The following LRFN5 variants were observed in gnomAD, a reference collection of about 807,000 sequenced individuals.
The protein encoded by LRFN5 is leucine rich repeat and fibronectin type III domain containing 5.
LRFN5 carries 24 observed loss-of-function variants against 45.6 expected under a neutral mutation model. The ratio of observed to expected loss-of-function variants is 0.53; its 90% CI spans 0.38 to 0.74. The LOEUF is 0.74. Ranked by LOEUF, LRFN5 falls within the 30% of genes least tolerant of loss-of-function variation. The pLI, the probability that LRFN5 is intolerant of heterozygous loss-of-function variation, is 0.00. For missense variants in LRFN5, 776 were observed against 861.5 expected, an observed-to-expected ratio of 0.90 and a Z score of 1.24; for synonymous variants, 340 against 313.8, an observed-to-expected ratio of 1.08 and a Z score of -0.88.
chr14:41,771,666 C>T (rs531850167), intron 2 of LRFN5, among the ~76,000 whole-genome samples: 55 of 152,216 alleles, frequency 3.6e-4, no homozygotes, highest in African/African-American at 1.2e-3. Context: ...ACTCCATTTC[C>T]CAGTAACTTC....
chr14:41,609,806 G>T (rs1196278380), intron 1 of LRFN5, among the ~76,000 whole-genome samples: 3 of 152,198 alleles, frequency 2.0e-5, no homozygotes, highest in Non-Finnish European at 4.4e-5. Flanking sequence ...GGGGCTGCTG[G>T]GGGGCGGGGG....
chr14:41,790,824 A>G (rs1886893644), intron 2 of LRFN5, among the ~76,000 whole-genome samples: 1 of 151,732 alleles, frequency 6.6e-6, no homozygotes, highest in Admixed American at 6.6e-5. Context: ...ACTAGTTTAC[A>G]GTCCAATTTT....
chr14:41,706,621 A>G (rs934820989), intron 1 of LRFN5, among the ~76,000 whole-genome samples: 1 of 152,076 alleles, frequency 6.6e-6, no homozygotes, highest in African/African-American at 2.4e-5. Flanking sequence ...ATTATCATTC[A>G]TTTAAATTTA....
chr14:41,670,998 G>C (rs1415669187), intron 1 of LRFN5, among the ~76,000 whole-genome samples: 1 of 151,746 alleles, frequency 6.6e-6, no homozygotes, highest in African/African-American at 2.4e-5. Context: ...TTCAAACTAA[G>C]ATATATTAAC....
chr14:41,782,928 A>G (rs1325610749), intron 2 of LRFN5, among the ~76,000 whole-genome samples: 1 of 147,528 alleles, frequency 6.8e-6, no homozygotes, highest in Non-Finnish European at 1.5e-5. Context: ...TTAGTGAGCT[A>G]TATCTCTTGG....
At chr14:41,714,845 C>T (rs1003418142) in intron 1 of LRFN5, among the ~76,000 whole-genome samples, 5 of 151,936 alleles carry the variant, frequency 3.3e-5, no homozygotes, top group African/African-American at 7.3e-5. Context: ...GTTCAGGCTG[C>T]GGGGAGCTGT....
chr14:41,883,237 T>G (rs1463293647), intron 2 of LRFN5, among the ~76,000 whole-genome samples: 1 of 152,146 alleles, frequency 6.6e-6, no homozygotes, highest in African/African-American at 2.4e-5. Context: ...AATGTTACTA[T>G]TTTTAAAAAT....
chr14:41,842,301 G>A (rs540790151), intron 2 of LRFN5, among the ~76,000 whole-genome samples: 5 of 151,998 alleles, frequency 3.3e-5, no homozygotes, highest in East Asian at 3.9e-4. Context: ...TGGATACATC[G>A]TTAAATAGAC....
intron 1 of LRFN5, among the ~76,000 whole-genome samples, chr14:41,643,324 A>C (rs1240227833): frequency 3.3e-5 from 5 of 152,176 alleles, no homozygotes; most frequent in Non-Finnish European, 4.4e-5. Flanking sequence ...AAACCAATGG[A>C]ATGTTGAATA....
chr14:41,816,069 G>A (rs1295266545), intron 2 of LRFN5, among the ~76,000 whole-genome samples: 5 of 152,016 alleles, frequency 3.3e-5, no homozygotes, highest in Non-Finnish European at 7.4e-5. Context: ...AACTTCACAA[G>A]TAGTGTGAGT....
At chr14:41,776,757 T>G (rs1351053559) in intron 2 of LRFN5, among the ~76,000 whole-genome samples, 1 of 152,088 alleles carries the variant, frequency 6.6e-6, no homozygotes, top group Non-Finnish European at 1.5e-5. Flanking sequence ...CGTGTGTGCT[T>G]TTTTGTGCCT....
At chr14:41,619,969 G>C (rs1888062861) in intron 1 of LRFN5, among the ~76,000 whole-genome samples, 1 of 152,010 alleles carries the variant, frequency 6.6e-6, no homozygotes, top group African/African-American at 2.4e-5. Flanking sequence ...TTGAAAGTGA[G>C]AAAATTACAA....
At chr14:41,660,564 A>G (rs1376489270) in intron 1 of LRFN5, among the ~76,000 whole-genome samples, 2 of 152,088 alleles carry the variant, frequency 1.3e-5, no homozygotes, top group Admixed American at 6.6e-5. Flanking sequence ...TTAAAGAGTT[A>G]TCCCTTTATT....
chr14:41,638,337 A>AT (rs1302924614), intron 1 of LRFN5, among the ~76,000 whole-genome samples: 1 of 152,082 alleles, frequency 6.6e-6, no homozygotes, highest in Non-Finnish European at 1.5e-5. Flanking sequence ...TCTCCTTAGA[A>AT]TACAGTGGAA....
At chr14:41,729,289 C>T (rs1639583680) in intron 1 of LRFN5, among the ~76,000 whole-genome samples, 1 of 151,868 alleles carries the variant, frequency 6.6e-6, no homozygotes, top group Non-Finnish European at 1.5e-5. Context: ...AAGAGTGTAG[C>T]ACCTCCCTTA....
At chr14:41,888,037 A>G in intron 3 of LRFN5, 27 bp downstream of exon 3, 1 of 1,519,860 alleles carries the variant, frequency 6.6e-7, no homozygotes. Flanking sequence ...AAATTTGTAT[A>G]CTTACCATGC....
At chr14:41,640,163 A>G (rs1472148206) in intron 1 of LRFN5, among the ~76,000 whole-genome samples, 1 of 151,842 alleles carries the variant, frequency 6.6e-6, no homozygotes, top group African/African-American at 2.4e-5. Context: ...GGTGATGAAA[A>G]TATCAGAGGT....
chr14:41,677,193 G>T lies in LRFN5; in HGVS notation c.-197+68631G>T, dbSNP rs963350778. On this transcript the variant is annotated intron_variant, in intron 1 of 5. Transcript: ENST00000298119. The stretch of plus-strand genomic sequence containing the variant: ...GAGGCTAAACATAGTTAAGGAAATA[G>T]ACTTTGAGAATTAGTTCAGTCAAGT... Among the ~76,000 whole-genome samples, 6 of 152,174 alleles carry T rather than the reference G, an allele frequency of 3.9e-5. No homozygotes were observed. In the East Asian group the frequency reaches 1.2e-3, roughly 29 times the overall value.
At chr14:41,893,706 G>A (rs569923318) in intron 4 of LRFN5, 8 of 985,168 alleles carry the variant, frequency 8.1e-6, no homozygotes, top group Non-Finnish European at 9.6e-6. Flanking sequence ...CCATTCAATA[G>A]TATGTAAGAT....
Sources: gnomAD v4.1 joint callset for allele counts (sites outside exome capture counted in the v4.1 genomes callset) on GRCh38, gnomAD v4.1.1 for gene constraint, MANE v1.5 for transcripts, NCBI Gene and HGNC (gene_info 2026-07-23, HGNC 2026-07-21) for gene names.